POLDIP3: variants seen among roughly 807,000 people sequenced by gnomAD.
POLDIP3 encodes polymerase delta-interacting protein 3.
In POLDIP3, 14 loss-of-function variants were observed where a neutral mutation model predicts 45.1. That is an observed-to-expected ratio of 0.31 (90% CI 0.20 to 0.49). The LOEUF (loss-of-function observed/expected upper bound fraction) is 0.49. Among genes scored for constraint, POLDIP3 ranks in the 20% least tolerant of loss-of-function variants. The probability of loss-of-function intolerance (pLI) is 0.99; values close to 1 mark genes in which losing one functional copy is unlikely to be tolerated. For synonymous variants in POLDIP3, 223 were observed against 205.2 expected (o/e 1.09, Z -0.74); for missense variants, 511 against 538.8 (o/e 0.95, Z 0.51).
intron 4 of POLDIP3, among the ~76,000 whole-genome samples, chr22:42,596,886 G>T (rs1460724267): frequency 6.6e-6 from 1 of 152,038 alleles, no homozygotes; most frequent in Non-Finnish European, 1.5e-5. Context: ...TCTGCCTGTG[G>T]AGTAGCCATT....
At chr22:42,598,463 G>C (rs1336607876) in intron 4 of POLDIP3, among the ~76,000 whole-genome samples, 2 of 151,844 alleles carry the variant, frequency 1.3e-5, no homozygotes, top group African/African-American at 4.8e-5. Context: ...ATGTTTGCCA[G>C]GATGGTCTCG....
intron 1 of POLDIP3, among the ~76,000 whole-genome samples, chr22:42,613,284 G>T (rs1375954886): frequency 1.3e-5 from 2 of 152,192 alleles, no homozygotes; most frequent in Non-Finnish European, 2.9e-5. Context: ...CAGTAGTTGA[G>T]GAAACAAATA....
At chr22:42,595,039 G>C (rs1438093497) in intron 6 of POLDIP3, among the ~76,000 whole-genome samples, 1 of 152,206 alleles carries the variant, frequency 6.6e-6, no homozygotes, top group African/African-American at 2.4e-5. Flanking sequence ...TCCGATTCCA[G>C]GGGTGGCCCT....
intron 4 of POLDIP3, 98 bp from the exon 5 acceptor site, chr22:42,596,463 A>T: frequency 8.5e-7 from 1 of 1,176,670 alleles, no homozygotes; most frequent in Middle Eastern, 2.5e-4. Context: ...TGAACCCTCG[A>T]TGCCTCCCAG....
In POLDIP3 at chr22:42,595,651, G is replaced by A. The variant is rs747334948; in HGVS notation, c.814-37C>T. On this transcript the variant is annotated intron_variant, in intron 5 of 8. Transcript: ENST00000252115. ...ACAAGAGCATTACCAGAAGCCAGAT[G>A]GCTGATAAGCATTCCCACAACAGAA... 11 of 1,578,862 alleles carry A rather than the reference G, an allele frequency of 7.0e-6. No individual in the cohort carries two copies. The East Asian group carries it at 1.1e-4, about 16-fold the overall frequency.
intron 1 of POLDIP3, among the ~76,000 whole-genome samples, chr22:42,609,371 GC>G: frequency 6.6e-6 from 1 of 152,312 alleles, no homozygotes; most frequent in East Asian, 1.9e-4. Context: ...CGAGGTCCTG[GC>G]AAGAGCGCTG....
At chr22:42,587,717 T>C (rs529304922) in intron 7 of POLDIP3, 145 bp from the exon 8 acceptor site, 17 of 765,926 alleles carry the variant, frequency 2.2e-5, no homozygotes, top group Middle Eastern at 5.1e-4. Context: ...GGCTGCTAGG[T>C]TCCAGTCAAG....
At chr22:42,591,839 G>T in intron 7 of POLDIP3, 116 bp downstream of exon 7, 1 of 1,366,152 alleles carries the variant, frequency 7.3e-7, no homozygotes, top group Non-Finnish European at 1.0e-6. Context: ...TGGTGCAGAC[G>T]AGGCCCCAGA....
At chr22:42,595,146 G>A (rs971871190) in intron 6 of POLDIP3, among the ~76,000 whole-genome samples, 2 of 152,256 alleles carry the variant, frequency 1.3e-5, no homozygotes, top group Admixed American at 1.3e-4. Context: ...CTGCTCAACA[G>A]CTGCTTTCCC....
intron 1 of POLDIP3, among the ~76,000 whole-genome samples, chr22:42,610,971 CCT>C (rs1927083678): frequency 6.6e-6 from 1 of 152,164 alleles, no homozygotes; most frequent in Admixed American, 6.5e-5. Flanking sequence ...CTAATGCTAT[CCT>C]GAGGAGACTC....
intron 1 of POLDIP3, among the ~76,000 whole-genome samples, chr22:42,608,667 C>T (rs894369132): frequency 2.6e-5 from 4 of 152,132 alleles, no homozygotes; most frequent in Admixed American, 1.3e-4. Context: ...GCGAGGCGAG[C>T]GGGTGGTGCA....
intron 8 of POLDIP3, among the ~76,000 whole-genome samples, chr22:42,587,002 G>A (rs1419211421): frequency 6.6e-6 from 1 of 152,156 alleles, no homozygotes; most frequent in African/African-American, 2.4e-5. Context: ...CAGGTCCTCA[G>A]GAGGCTGAGG....
rs1213226930 is a variant in POLDIP3, at chr22:42,587,519, G to T, written c.1075C>A (p.Gln359Lys). The T allele has an allele frequency of 6.2e-7, 1 of 1,614,022 alleles. No homozygotes were observed. Among genetic ancestry groups the T allele is most frequent in the Non-Finnish European group, 8.5e-7 (1 of 1,179,868 alleles). The change falls in exon 8 of 9, where the codon CAG (glutamine) becomes AAG (lysine). Residue 359 changes from glutamine (Q) to lysine (K), a missense_variant. Transcript: ENST00000252115. ...HMNGNVITSD[Q>K]PILLRLSDSP... ...TTTGGAACTCACAGCAGGATGGGCTGGTCTGAGGTGATAACATTCCCATTC... is the reference window on the plus strand; with the variant it reads ...TTTGGAACTCACAGCAGGATGGGCTTGTCTGAGGTGATAACATTCCCATTC...
At chr22:42,601,747 G>C (rs920692485) in intron 3 of POLDIP3, among the ~76,000 whole-genome samples, 1 of 152,176 alleles carries the variant, frequency 6.6e-6, no homozygotes, top group Admixed American at 6.5e-5. Context: ...GCGACAGAGC[G>C]AGACTCCGTC....
chr22:42,589,855 AC>A (rs1229615151), intron 7 of POLDIP3, among the ~76,000 whole-genome samples: 2 of 150,986 alleles, frequency 1.3e-5, no homozygotes, highest in African/African-American at 4.9e-5. Flanking sequence ...AAAAAAAAAA[AC>A]AGAACCTCAG....
chr22:42,586,838 A>C (rs1388405718), intron 8 of POLDIP3, among the ~76,000 whole-genome samples: 1 of 152,170 alleles, frequency 6.6e-6, no homozygotes. Flanking sequence ...AAGTCCTCAC[A>C]GTCTCAACAT....
At chr22:42,591,909 T>A in intron 7 of POLDIP3, 46 bp downstream of exon 7, 1 of 1,611,960 alleles carries the variant, frequency 6.2e-7, no homozygotes, top group Admixed American at 1.7e-5. Context: ...TGACAGCAAG[T>A]AGAGATGAGT....
chr22:42,605,963 G>A (rs941536970), intron 1 of POLDIP3, among the ~76,000 whole-genome samples: 5 of 152,016 alleles, frequency 3.3e-5, no homozygotes, highest in Non-Finnish European at 5.9e-5. Flanking sequence ...CCAACATGGT[G>A]AAACCCCGTC....
chr22:42,613,138 G>C (rs576943265), intron 1 of POLDIP3, among the ~76,000 whole-genome samples: 41 of 152,204 alleles, frequency 2.7e-4, no homozygotes, highest in Non-Finnish European at 5.4e-4. Flanking sequence ...ACCTCAGAGA[G>C]AGAAGAACCT....
Sources: allele counts gnomAD v4.1 joint callset (sites outside exome capture counted in the v4.1 genomes callset), GRCh38; gene constraint gnomAD v4.1.1; transcripts MANE v1.5; gene names NCBI Gene and HGNC (gene_info 2026-07-23, HGNC 2026-07-21).